The following LHFPL3 variants were observed in gnomAD, a reference collection of about 807,000 sequenced individuals.
The protein encoded by LHFPL3 is LHFPL tetraspan subfamily member 3 protein.
Under a neutral mutation model 19.3 loss-of-function variants are expected in LHFPL3, and 5 were observed. That is an observed-to-expected ratio of 0.26 (90% CI 0.14 to 0.54). The LOEUF (loss-of-function observed/expected upper bound fraction) is 0.54. LHFPL3 is among the 20% of genes least tolerant of loss of function. LHFPL3 has a pLI of 0.94. For missense variants in LHFPL3, 249 were observed against 307.4 expected, an observed-to-expected ratio of 0.81 and a Z score of 1.42; for synonymous variants, 133 against 126.2, an observed-to-expected ratio of 1.05 and a Z score of -0.36.
rs537681135 is a variant in LHFPL3, at chr7:104,537,312, C to G, written c.446-199363C>G. On this transcript the variant is annotated intron_variant, in intron 1 of 2. Transcript: ENST00000424859. ...CTGTTTCTTTTCACATTTCCTCCCC[C>G]TTCTGACACTTCCATTTCCCATGGA... Among the ~76,000 whole-genome samples the G allele has an allele frequency of 9.2e-5, 14 of 152,306 alleles. No individual in the cohort carries two copies. The South Asian group carries it at 2.9e-3, about 32-fold the overall frequency.
intron 1 of LHFPL3, among the ~76,000 whole-genome samples, chr7:104,331,958 AAAAG>A (rs1206270667): frequency 6.6e-6 from 1 of 152,026 alleles, no homozygotes; most frequent in Admixed American, 6.5e-5. Context: ...TCAAAAAAAA[AAAAG>A]AAAAAGAAAG....
chr7:104,771,856 T>G (rs1794559233), intron 2 of LHFPL3, among the ~76,000 whole-genome samples: 1 of 134,018 alleles, frequency 7.5e-6, no homozygotes, highest in Non-Finnish European at 1.5e-5. Context: ...ACGGTTTCGC[T>G]CTGTCGCCAG....
intron 1 of LHFPL3, among the ~76,000 whole-genome samples, chr7:104,530,744 A>C (rs1336760676): frequency 6.6e-6 from 1 of 152,238 alleles, no homozygotes; most frequent in Admixed American, 6.5e-5. Flanking sequence ...CAGTTGTAAT[A>C]GAAGCACTAA....
intron 1 of LHFPL3, among the ~76,000 whole-genome samples, chr7:104,522,380 A>C (rs1250902759): frequency 1.2e-5 from 1 of 86,710 alleles, no homozygotes; most frequent in Non-Finnish European, 2.1e-5. Flanking sequence ...CACTCTGGGG[A>C]CTGTTGTGGG....
At chr7:104,377,512 T>A (rs10487203) in intron 1 of LHFPL3, among the ~76,000 whole-genome samples, 51,819 of 152,014 alleles carry the variant, frequency 0.34, 9,184 homozygotes, top group Admixed American at 0.49. Flanking sequence ...CTCCATTATA[T>A]TATCTTTTTA....
intron 1 of LHFPL3, among the ~76,000 whole-genome samples, chr7:104,389,247 G>T (rs570570193): frequency 6.6e-6 from 1 of 152,046 alleles, no homozygotes; most frequent in African/African-American, 2.4e-5. Context: ...ATATGAAAAG[G>T]AAATTAAGAA....
intron 2 of LHFPL3, among the ~76,000 whole-genome samples, chr7:104,782,943 C>T (rs962495989): frequency 6.6e-6 from 1 of 152,248 alleles, no homozygotes; most frequent in Admixed American, 6.5e-5. Context: ...CAAGTGCGCA[C>T]GCGCGCACAC....
chr7:104,770,971 C>A (rs969175309), intron 2 of LHFPL3, among the ~76,000 whole-genome samples: 1 of 152,146 alleles, frequency 6.6e-6, no homozygotes, highest in East Asian at 1.9e-4. Flanking sequence ...TGATGAATCC[C>A]CGCAAGCCCC....
intron 2 of LHFPL3, among the ~76,000 whole-genome samples, chr7:104,839,468 A>G (rs951243060): frequency 6.6e-6 from 1 of 152,130 alleles, no homozygotes; most frequent in African/African-American, 2.4e-5. Context: ...GGAGTTCGAG[A>G]CCAGCCTGGC....
intron 2 of LHFPL3, among the ~76,000 whole-genome samples, chr7:104,751,959 C>G (rs865786278): frequency 3.4e-4 from 51 of 152,178 alleles, no homozygotes; most frequent in African/African-American, 1.1e-3. Context: ...GGGTATGGCG[C>G]CCTGCCCTGT....
Position 104,330,683 on chromosome 7 carries a change from A to G in LHFPL3, c.445+1459A>G, listed in dbSNP as rs191750561. 7.5e-4 allele frequency among the ~76,000 whole-genome samples: 114 copies of G among 152,314 alleles called. 1 individual carries two copies. Among genetic ancestry groups the G allele is most frequent in the Admixed American group, 7.1e-3 (109 of 15,300 alleles). On this transcript the variant is annotated intron_variant, in intron 1 of 2. Coordinates refer to ENST00000424859, the MANE Select transcript of LHFPL3 (RefSeq NM_199000.3). The stretch of plus-strand genomic sequence containing the variant: ...AGAGACTCCCTCCTTTACACATACC[A>G]TTATCTCCTGAACGGGGAGTTCTGC...
At chr7:104,593,477 A>G (rs1790771033) in intron 1 of LHFPL3, among the ~76,000 whole-genome samples, 1 of 152,062 alleles carries the variant, frequency 6.6e-6, no homozygotes, top group Admixed American at 6.6e-5. Flanking sequence ...TCATTTTTGG[A>G]ATAAGTGTTG....
intron 1 of LHFPL3, among the ~76,000 whole-genome samples, chr7:104,693,425 T>C (rs1008645057): frequency 2.6e-5 from 4 of 152,152 alleles, no homozygotes; most frequent in Admixed American, 6.5e-5. Flanking sequence ...CCAAATCTCA[T>C]CTTGAATTCT....
intron 1 of LHFPL3, among the ~76,000 whole-genome samples, chr7:104,509,461 C>G (rs529807483): frequency 6.6e-6 from 1 of 151,970 alleles, no homozygotes; most frequent in African/African-American, 2.4e-5. Flanking sequence ...CCACCATATT[C>G]ACAGGCTAAA....
intron 1 of LHFPL3, among the ~76,000 whole-genome samples, chr7:104,709,971 C>T (rs536553301): frequency 5.9e-5 from 9 of 152,164 alleles, no homozygotes; most frequent in Non-Finnish European, 1.2e-4. Flanking sequence ...CCAAGGCAGG[C>T]GGCTGGGAGG....
chr7:104,484,356 T>A (rs145672968), intron 1 of LHFPL3, among the ~76,000 whole-genome samples: 1 of 152,064 alleles, frequency 6.6e-6, no homozygotes, highest in Non-Finnish European at 1.5e-5. Flanking sequence ...ACACCTTCCA[T>A]CCCCTTTCCC....
At chr7:104,437,943 C>G (rs1792143548) in intron 1 of LHFPL3, among the ~76,000 whole-genome samples, 1 of 152,196 alleles carries the variant, frequency 6.6e-6, no homozygotes, top group African/African-American at 2.4e-5. Flanking sequence ...GCTAAAAGTT[C>G]TAAACCTTTA....
chr7:104,844,596 A>C (rs1173950568), intron 2 of LHFPL3, among the ~76,000 whole-genome samples: 1 of 152,064 alleles, frequency 6.6e-6, no homozygotes, highest in Non-Finnish European at 1.5e-5. Context: ...CTTGACTTTC[A>C]CTTCTTTTTC....
At chr7:104,653,280 G>A (rs1310001300) in intron 1 of LHFPL3, among the ~76,000 whole-genome samples, 1 of 152,212 alleles carries the variant, frequency 6.6e-6, no homozygotes, top group African/African-American at 2.4e-5. Flanking sequence ...CTTTATCAGA[G>A]GAGGCAGGGT....
Sources: allele counts gnomAD v4.1 joint callset (sites outside exome capture counted in the v4.1 genomes callset), GRCh38; gene constraint gnomAD v4.1.1; transcripts MANE v1.5; gene names NCBI Gene and HGNC (gene_info 2026-07-23, HGNC 2026-07-21).